UNC13C: variants seen among roughly 807,000 people sequenced by gnomAD.
The protein encoded by UNC13C is protein unc-13 homolog C.
Under a neutral mutation model 245.4 loss-of-function variants are expected in UNC13C, and 174 were observed. The observed-to-expected ratio is 0.71, with a 90% confidence interval of 0.63 to 0.80. The LOEUF (loss-of-function observed/expected upper bound fraction) is 0.80, where lower values mean the gene tolerates loss of function less well. UNC13C is among the 30% of genes least tolerant of loss of function. The probability of loss-of-function intolerance (pLI) is 0.00; values close to 1 mark genes in which losing one functional copy is unlikely to be tolerated. For missense variants in UNC13C, 2,829 were observed against 2,602.9 expected (o/e 1.09, Z -1.89); for synonymous variants, 992 against 895.1 (o/e 1.11, Z -1.93).
the UNC13C span, among the ~76,000 whole-genome samples, chr15:53,874,080 A>G: frequency 6.6e-6 from 1 of 151,738 alleles, no homozygotes; most frequent in Non-Finnish European, 1.5e-5. Flanking sequence ...GGCTCCGTCA[A>G]TTTTCCCATC....
chr15:54,334,807 G>A (rs990023444), intron 16 of UNC13C, among the ~76,000 whole-genome samples: 6 of 152,134 alleles, frequency 3.9e-5, no homozygotes, highest in African/African-American at 9.7e-5. Flanking sequence ...AGATTGACAA[G>A]TGATGTCTGC....
chr15:54,461,024 T>C (rs1417307497), intron 19 of UNC13C, among the ~76,000 whole-genome samples: 2 of 152,172 alleles, frequency 1.3e-5, no homozygotes, highest in African/African-American at 4.8e-5. Context: ...GCATTTTTAT[T>C]CATGACTTTC....
chr15:53,882,941 T>C, the UNC13C span, among the ~76,000 whole-genome samples: 1 of 152,110 alleles, frequency 6.6e-6, no homozygotes, highest in Non-Finnish European at 1.5e-5. Context: ...GAATAACTAA[T>C]GGACACTAGG....
At chr15:54,221,960 T>G (rs2035240318) in intron 4 of UNC13C, among the ~76,000 whole-genome samples, 1 of 152,044 alleles carries the variant, frequency 6.6e-6, no homozygotes, top group Non-Finnish European at 1.5e-5. Context: ...ATTTTAAATT[T>G]TAAATTTTTG....
At chr15:54,186,242 C>T (rs2033978751) in intron 4 of UNC13C, among the ~76,000 whole-genome samples, 1 of 152,142 alleles carries the variant, frequency 6.6e-6, no homozygotes, top group Non-Finnish European at 1.5e-5. Flanking sequence ...TTCCTCTTTT[C>T]CAAATTGAAT....
chr15:54,068,959 G>A (rs181317149), intron 2 of UNC13C, among the ~76,000 whole-genome samples: 77 of 152,242 alleles, frequency 5.1e-4, no homozygotes, highest in African/African-American at 1.8e-3. Context: ...TAAGTAGTAA[G>A]TCATATTAAA....
intron 17 of UNC13C, among the ~76,000 whole-genome samples, chr15:54,365,271 A>G (rs2039338602): frequency 6.6e-6 from 1 of 151,888 alleles, no homozygotes; most frequent in Non-Finnish European, 1.5e-5. Context: ...GAGGCTAAGT[A>G]TTTTGTATCC....
chr15:53,909,361 G>A, the UNC13C span, among the ~76,000 whole-genome samples: 1 of 146,618 alleles, frequency 6.8e-6, no homozygotes, highest in African/African-American at 2.4e-5. Context: ...GAATCAAAAT[G>A]TAGTGTAACC....
At chr15:53,981,754 A>T (rs898733786) in intron 1 of UNC13C, among the ~76,000 whole-genome samples, 4 of 152,132 alleles carry the variant, frequency 2.6e-5, no homozygotes, top group Non-Finnish European at 5.9e-5. Context: ...TAGTCTTTTA[A>T]GGCATAGGAA....
intron 29 of UNC13C, among the ~76,000 whole-genome samples, chr15:54,555,799 C>T (rs960209860): frequency 6.6e-6 from 1 of 152,066 alleles, no homozygotes; most frequent in African/African-American, 2.4e-5. Flanking sequence ...CTCTCTAAAG[C>T]ATAAGTGAAA....
At chr15:53,890,400 C>G in the UNC13C span, among the ~76,000 whole-genome samples, 195 of 152,296 alleles carry the variant, frequency 1.3e-3, no homozygotes, top group African/African-American at 4.6e-3. Flanking sequence ...CATGGCCTCC[C>G]AAAGTGCTGG....
At chr15:53,986,832 A>T (rs1894164338) in intron 1 of UNC13C, among the ~76,000 whole-genome samples, 2 of 152,042 alleles carry the variant, frequency 1.3e-5, no homozygotes, top group Admixed American at 6.6e-5. Context: ...TTATATGTTA[A>T]TGCAAATAAA....
chr15:54,066,319 C>T (rs529721553), intron 2 of UNC13C, among the ~76,000 whole-genome samples: 1 of 152,214 alleles, frequency 6.6e-6, no homozygotes, highest in Non-Finnish European at 1.5e-5. Flanking sequence ...TTCTTTTTCC[C>T]TTCTCTGATG....
chr15:54,390,959 C>G (rs1031143619), intron 17 of UNC13C, among the ~76,000 whole-genome samples: 1 of 152,040 alleles, frequency 6.6e-6, no homozygotes, highest in Non-Finnish European at 1.5e-5. Context: ...TTGATTTATT[C>G]TAATGCAACA....
At chr15:54,435,345 T>C (rs955110205) in intron 19 of UNC13C, among the ~76,000 whole-genome samples, 4 of 151,426 alleles carry the variant, frequency 2.6e-5, no homozygotes, top group Non-Finnish European at 5.9e-5. Flanking sequence ...CCCCATCAGA[T>C]AAACTGGATA....
In UNC13C at chr15:54,237,667, A is replaced by C; in HGVS notation, c.3205A>C (p.Thr1069Pro). 6.2e-7 allele frequency: 1 copy of C among 1,612,040 alleles called. No individual in the cohort carries two copies. The highest frequency in any genetic ancestry group is 1.3e-5 in the African/African-American group (1 of 75,016). ...ACTCTCCCTGGCTATGGTGATTAGGACATCCCTAAATAATGAGGAACTGGT... is the reference window on the plus strand; with the variant it reads ...ACTCTCCCTGGCTATGGTGATTAGGCCATCCCTAAATAATGAGGAACTGGT... ...SGLSLAMVIRTSLNNEELKMH... is the reference protein window; with the variant it reads ...SGLSLAMVIRPSLNNEELKMH... Residue 1069 changes from threonine (T) to proline (P), a missense_variant, in exon 7 of 33, where the codon ACA (threonine) becomes CCA (proline). By Grantham distance (38) the Thr-to-Pro change is conservative. Transcript: ENST00000260323.
chr15:54,619,283 A>G (rs1052077742), intron 30 of UNC13C, among the ~76,000 whole-genome samples: 5 of 152,122 alleles, frequency 3.3e-5, no homozygotes, highest in Non-Finnish European at 7.4e-5. Flanking sequence ...GCTTATCTAG[A>G]ATCTCTCCAA....
chr15:54,205,299 C>A (rs1378688733), intron 4 of UNC13C, among the ~76,000 whole-genome samples: 1 of 151,952 alleles, frequency 6.6e-6, no homozygotes, highest in Non-Finnish European at 1.5e-5. Context: ...AAGAGAACCA[C>A]TGATTTTCTA....
intron 1 of UNC13C, among the ~76,000 whole-genome samples, chr15:53,998,490 TTA>T (rs1894736989): frequency 6.6e-6 from 1 of 152,126 alleles, no homozygotes. Context: ...CTTGCCAAAT[TTA>T]GTTTTCAGCT....
Sources: allele counts gnomAD v4.1 joint callset (sites outside exome capture counted in the v4.1 genomes callset), GRCh38; gene constraint gnomAD v4.1.1; transcripts MANE v1.5; gene names NCBI Gene and HGNC (gene_info 2026-07-23, HGNC 2026-07-21).